Variants in CAMKK1 observed in about 807,000 individuals in gnomAD.
The protein encoded by CAMKK1 is calcium/calmodulin-dependent protein kinase kinase 1.
Under a neutral mutation model 63.5 loss-of-function variants are expected in CAMKK1, and 20 were observed. The observed-to-expected ratio is 0.32, with a 90% CI of 0.22 to 0.46. CAMKK1 has a LOEUF of 0.46. Ranked by LOEUF, CAMKK1 falls within the 20% of genes least tolerant of loss-of-function variation. The probability of loss-of-function intolerance (pLI) is 1.00; values close to 1 mark genes in which losing one functional copy is unlikely to be tolerated. For synonymous variants in CAMKK1, 253 were observed against 269.0 expected, an observed-to-expected ratio of 0.94 and a Z score of 0.58; for missense variants, 588 against 658.1, an observed-to-expected ratio of 0.89 and a Z score of 1.17.
At chr17:3,864,024 C>G (rs1446710663) in intron 15 of CAMKK1, among the ~76,000 whole-genome samples, 1 of 151,644 alleles carries the variant, frequency 6.6e-6, no homozygotes, top group Non-Finnish European at 1.5e-5. Context: ...GCAATCTCAG[C>G]TCACTGCAAC....
Position 3,887,559 on chromosome 17 carries a change from G to A in CAMKK1, c.-43-1829C>T, listed in dbSNP as rs536561783. On this transcript the variant is annotated intron_variant, in intron 1 of 15. Transcript: ENST00000348335. This position sits in a 1 kb window ranked among gnomAD's most constrained non-coding sequence, Gnocchi z 6.1. The stretch of plus-strand genomic sequence containing the variant: ...AGAGAGGGCAGGAGACAGTGAGTGC[G>A]GCTGTGGCACAAGGAGGCCTCCCTG... Among the ~76,000 whole-genome samples the A allele has an allele frequency of 3.3e-5, 5 of 152,024 alleles. No homozygotes were observed. Among genetic ancestry groups the A allele is most frequent in the South Asian group, 2.1e-4 (1 of 4,808 alleles).
chr17:3,863,443 A>T (rs1245289181), intron 15 of CAMKK1, among the ~76,000 whole-genome samples: 1 of 152,248 alleles, frequency 6.6e-6, no homozygotes, highest in African/African-American at 2.4e-5. Flanking sequence ...GACTGCAGTG[A>T]GTTGAGTTTG....
chr17:3,868,262 A>T (rs75446167), intron 14 of CAMKK1, among the ~76,000 whole-genome samples: 1 of 117,056 alleles, frequency 8.5e-6, no homozygotes, highest in African/African-American at 3.9e-5. Context: ...CTGGGGGAGA[A>T]GCAGGCGCCG....
At chr17:3,872,017 C>T (rs545384168) in intron 12 of CAMKK1, among the ~76,000 whole-genome samples, 4 of 152,304 alleles carry the variant, frequency 2.6e-5, no homozygotes, top group South Asian at 4.1e-4. Context: ...CCACGGTGGC[C>T]GTCATGAGGC....
Position 3,884,306 on chromosome 17 carries a change from C to G in CAMKK1, c.408+74G>C. 1 of 1,524,062 alleles carries G rather than the reference C, an allele frequency of 6.6e-7. No individual in the cohort carries two copies. Among genetic ancestry groups the G allele is most frequent in the Non-Finnish European group, 9.1e-7 (1 of 1,099,758 alleles). 94.4% of individuals were successfully genotyped at this position (1,524,062 alleles called of 1,614,324 possible). On this transcript the variant is annotated intron_variant, in intron 3 of 15. Coordinates refer to ENST00000348335, the MANE Select transcript of CAMKK1 (RefSeq NM_032294.3). This position sits in a 1 kb window ranked among gnomAD's most constrained non-coding sequence, Gnocchi z 4.5. Reference sequence around the variant, plus strand: ...TGCCTGGCTCTGCCTCCCGTTCCCTCCCACACGAGAGAAGGAGCAGCGCCA... The same window carrying G: ...TGCCTGGCTCTGCCTCCCGTTCCCTGCCACACGAGAGAAGGAGCAGCGCCA...
At chr17:3,866,492 C>T (rs2054531078) in intron 14 of CAMKK1, among the ~76,000 whole-genome samples, 1 of 152,256 alleles carries the variant, frequency 6.6e-6, no homozygotes, top group South Asian at 2.1e-4. Flanking sequence ...CGCAGCCTGG[C>T]TCTCTGCCTT....
intron 12 of CAMKK1, 135 bp downstream of exon 12, chr17:3,872,419 T>G (rs997430796): frequency 7.2e-6 from 5 of 695,514 alleles, no homozygotes; most frequent in Non-Finnish European, 1.3e-5. Context: ...TATTCAGGGG[T>G]CCCTCCCAGG....
chr17:3,876,522 C>G, intron 9 of CAMKK1, 100 bp from the exon 10 acceptor site: 2 of 1,003,278 alleles, frequency 2.0e-6, no homozygotes, highest in South Asian at 2.8e-5. Context: ...CCGGGACATC[C>G]CAGCCCATGC....
At chr17:3,881,216 C>T (rs1184841850) in intron 8 of CAMKK1, among the ~76,000 whole-genome samples, 1 of 152,248 alleles carries the variant, frequency 6.6e-6, no homozygotes, top group Admixed American at 6.5e-5. Context: ...AGCTTTCCCT[C>T]TCACAAATGG....
chr17:3,869,573 A>C lies in CAMKK1; in HGVS notation c.1255T>G (p.Ser419Ala). 2.5e-6 allele frequency: 4 copies of C among 1,614,174 alleles called. No homozygotes were observed. The highest frequency in any genetic ancestry group is 3.4e-6 in the Non-Finnish European group (4 of 1,180,042). ...ACCACGCTGCAGTGCTCCTCCTCCG[A>C]AGGAAGGGGCTCCTCCCCGTTCTTG... ...VTKNGEEPLP[S>A]EEEHCSVVEV... is the part of the protein sequence containing the mutation. Residue 419 changes from serine to alanine, a missense_variant, in exon 14 of 16, where the codon TCG becomes GCG. Around this residue, in one of 3 missense-constraint regions of CAMKK1, gnomAD observed 226 missense variants for 229.2 expected, o/e 0.99. Coordinates refer to ENST00000348335, the MANE Select transcript of CAMKK1 (RefSeq NM_032294.3).
intron 14 of CAMKK1, among the ~76,000 whole-genome samples, chr17:3,868,500 T>A: frequency 6.6e-6 from 1 of 152,052 alleles, no homozygotes; most frequent in Non-Finnish European, 1.5e-5. Flanking sequence ...TTGGGGCCAC[T>A]CCTCCAATCC....
Position 3,882,495 on chromosome 17 carries a change from T to C in CAMKK1, c.685+33A>G. On this transcript the variant is annotated intron_variant, in intron 7 of 15. Coordinates refer to ENST00000348335, the MANE Select transcript of CAMKK1 (RefSeq NM_032294.3). This position sits in a 1 kb window ranked among gnomAD's most constrained non-coding sequence, Gnocchi z 4.3. ...AGGGAGCCCTTGGGCCAGCCCTGAG[T>C]GAGCTGCTGTGGGAATGAGCCAGGT... is the stretch of plus-strand genomic sequence containing the variant. 1.3e-6 allele frequency: 2 copies of C among 1,595,484 alleles called. No homozygotes were observed. Among genetic ancestry groups the C allele is most frequent in the Non-Finnish European group, 1.7e-6 (2 of 1,169,130 alleles).
Position 3,889,570 on chromosome 17 carries a change from C to T in CAMKK1, c.-44+3369G>A, listed in dbSNP as rs2055809098. The stretch of plus-strand genomic sequence containing the variant: ...CCAACTCCCAGGGCGATGGAAGGAA[C>T]AGAATGAGGTGTGGACACAGGAGTA... On this transcript the variant is annotated intron_variant, in intron 1 of 15. Transcript: ENST00000348335. This position sits in a 1 kb window ranked among gnomAD's most constrained non-coding sequence, Gnocchi z 5.2. Among the ~76,000 whole-genome samples the T allele has an allele frequency of 6.6e-6, 1 of 152,082 alleles. No homozygotes were observed. Among genetic ancestry groups the T allele is most frequent in the Non-Finnish European group, 1.5e-5 (1 of 68,016 alleles).
chr17:3,887,923 T>C lies in CAMKK1; in HGVS notation c.-43-2193A>G, dbSNP rs1376437232. On this transcript the variant is annotated intron_variant, in intron 1 of 15. Transcript: ENST00000348335. This position sits in a 1 kb window ranked among gnomAD's most constrained non-coding sequence, Gnocchi z 6.1. ...TTTTCCCTCCCGAATGTAAGTTTCA[T>C]GAGATTAGGACGCTCATCTGCCTTG... Among the ~76,000 whole-genome samples the C allele has an allele frequency of 1.3e-5, 2 of 152,080 alleles. No individual in the cohort carries two copies. Among genetic ancestry groups the C allele is most frequent in the Non-Finnish European group, 2.9e-5 (2 of 68,002 alleles).
chr17:3,874,035 C>T (rs1245533543), intron 10 of CAMKK1, among the ~76,000 whole-genome samples: 1 of 152,220 alleles, frequency 6.6e-6, no homozygotes, highest in Non-Finnish European at 1.5e-5. Context: ...TCCGGAACGC[C>T]ACCTCTTCTG....
At chr17:3,865,593 TGA>T in intron 15 of CAMKK1, 1 of 1,169,852 alleles carries the variant, frequency 8.5e-7, no homozygotes, top group Non-Finnish European at 1.1e-6. Flanking sequence ...CTGGACCCAG[TGA>T]GAGAGTGACA....
intron 1 of CAMKK1, among the ~76,000 whole-genome samples, chr17:3,886,589 G>A (rs376234842): frequency 6.6e-4 from 101 of 152,176 alleles, no homozygotes; most frequent in African/African-American, 2.2e-3. Context: ...CCAAGATCAC[G>A]CCACTACACT....
chr17:3,876,386 G>C lies in CAMKK1; in HGVS notation c.833C>G (p.Pro278Arg). 6.2e-7 allele frequency: 1 copy of C among 1,614,224 alleles called. No homozygotes were observed. Residue 278 changes from proline (P) to arginine (R), a missense_variant, in exon 10 of 16, where the codon CCA becomes CGA. Pro to Arg is a moderately radical substitution (Grantham distance 103). Coordinates refer to ENST00000348335, the MANE Select transcript of CAMKK1 (RefSeq NM_032294.3). ...CQKIVHRDIK[P>R]SNLLLGDDGH... ...ATCATCCCCCAGGAGCAGGTTGGAT[G>C]GCTTGATGTCCCTGTGGACGATCTT...
chr17:3,862,705 T>C lies in CAMKK1; in HGVS notation c.1446-422A>G, dbSNP rs1300399548. 6.6e-6 allele frequency among the ~76,000 whole-genome samples: 1 copy of C among 152,210 alleles called. No homozygotes were observed. The highest frequency in any genetic ancestry group is 1.5e-5 in the Non-Finnish European group (1 of 68,026). Reference sequence around the variant, plus strand: ...AGTGCAGTGGTGCAATCTCAGCTCATTGCAACCTCTGCCTTCCAGGCTCAA... The same window carrying C: ...AGTGCAGTGGTGCAATCTCAGCTCACTGCAACCTCTGCCTTCCAGGCTCAA... On this transcript the variant is annotated intron_variant, in intron 15 of 15. Coordinates refer to ENST00000348335, the MANE Select transcript of CAMKK1 (RefSeq NM_032294.3). This position sits in a 1 kb window ranked among gnomAD's most constrained non-coding sequence, Gnocchi z 4.1.
Sources: allele counts gnomAD v4.1 joint callset (sites outside exome capture counted in the v4.1 genomes callset), GRCh38; gene constraint gnomAD v4.1.1; regional missense constraint gnomAD v4.1.1; non-coding constraint Gnocchi (gnomAD v3.1); transcripts MANE v1.5; gene names NCBI Gene and HGNC (gene_info 2026-07-23, HGNC 2026-07-21).